Variants in ITGB8 observed in about 807,000 individuals in gnomAD.
ITGB8 encodes the protein integrin beta-8.
ITGB8 carries 30 observed loss-of-function variants against 89.5 expected under a neutral mutation model. The ratio of observed to expected loss-of-function variants is 0.34; its 90% CI spans 0.25 to 0.45. The LOEUF is 0.45. Among genes scored for constraint, ITGB8 ranks in the 20% least tolerant of loss-of-function variants. The probability of loss-of-function intolerance (pLI) is 1.00; values close to 1 mark genes in which losing one functional copy is unlikely to be tolerated. For missense variants in ITGB8, 836 were observed against 933.3 expected, an observed-to-expected ratio of 0.90 and a Z score of 1.36; for synonymous variants, 335 against 320.4, an observed-to-expected ratio of 1.05 and a Z score of -0.49.
chr7:20,383,796 A>C (rs182871490), intron 6 of ITGB8, among the ~76,000 whole-genome samples: 1 of 152,314 alleles, frequency 6.6e-6, no homozygotes, highest in Admixed American at 6.5e-5. Context: ...GGATGATTAC[A>C]TCAAGACCTT....
intron 12 of ITGB8, among the ~76,000 whole-genome samples, chr7:20,408,704 G>A (rs562983235): frequency 2.0e-5 from 3 of 152,232 alleles, no homozygotes; most frequent in South Asian, 2.1e-4. Context: ...TGCCTATTGT[G>A]CAACCATCTT....
At chr7:20,335,376 A>T (rs7784850) in intron 1 of ITGB8, among the ~76,000 whole-genome samples, 34,897 of 152,132 alleles carry the variant, frequency 0.23, 5,006 homozygotes, top group Non-Finnish European at 0.32. Flanking sequence ...GAAAGTATGG[A>T]TATGTAATAG....
At chr7:20,378,987 T>C in intron 3 of ITGB8, 64 bp from the exon 4 acceptor site, 1 of 1,359,660 alleles carries the variant, frequency 7.4e-7, no homozygotes, top group Non-Finnish European at 9.9e-7. Flanking sequence ...GACTAATTTA[T>C]TAAGAGCTTA....
At position 20,413,725 on chromosome 7, in the gene ITGB8, A is replaced by C. The variant is rs139986917; in HGVS notation, c.*3728A>C. 2 of 152,198 alleles carry C rather than the reference A, an allele frequency of 1.3e-5. No homozygotes were observed. Among genetic ancestry groups the C allele is most frequent in the African/African-American group, 4.8e-5 (2 of 41,560 alleles). 9.4% of individuals were successfully genotyped at this position (152,198 alleles called of 1,614,324 possible). A position where few individuals can be genotyped will look rare whatever the true frequency, so the allele number is the denominator to read the frequency against. On this transcript the variant is annotated 3_prime_UTR_variant, in exon 14 of 14. Transcript: ENST00000222573. The stretch of plus-strand genomic sequence containing the variant: ...GACCCATTAAAATCTAAGAATTCTA[A>C]ATTTTCACAACTGTTTGAGCTTCTT...
At chr7:20,383,940 C>G (rs894291048) in intron 6 of ITGB8, among the ~76,000 whole-genome samples, 2 of 152,106 alleles carry the variant, frequency 1.3e-5, no homozygotes, top group East Asian at 1.9e-4. Context: ...TTATTTACCC[C>G]AGGTCTTTGT....
Position 20,414,795 on chromosome 7 carries a change from T to A in ITGB8, c.*4798T>A, listed in dbSNP as rs1332876253. The A allele has an allele frequency of 6.6e-6, 1 of 152,572 alleles. No homozygotes were observed. The highest frequency in any genetic ancestry group is 1.5e-5 in the Non-Finnish European group (1 of 67,988). 9.5% of individuals were successfully genotyped at this position (152,572 alleles called of 1,614,324 possible). ...GCAGCTGTTAATGTAAACCTGAGAG[T>A]AATAACACTACTCTTTTATCTACCT... On this transcript the variant is annotated 3_prime_UTR_variant, in exon 14 of 14. Coordinates refer to ENST00000222573, the MANE Select transcript of ITGB8 (RefSeq NM_002214.3).
At chr7:20,363,601 G>T in intron 1 of ITGB8, 36 bp from the exon 2 acceptor site, 1 of 1,229,080 alleles carries the variant, frequency 8.1e-7, no homozygotes, top group Non-Finnish European at 1.1e-6. Flanking sequence ...TTTCTATTTT[G>T]AGAGTAAATT....
At chr7:20,374,156 C>T (rs1327052280) in intron 3 of ITGB8, among the ~76,000 whole-genome samples, 4 of 152,166 alleles carry the variant, frequency 2.6e-5, no homozygotes, top group Non-Finnish European at 4.4e-5. Flanking sequence ...CCAGATGATA[C>T]TCTTTTCCTC....
intron 1 of ITGB8, among the ~76,000 whole-genome samples, chr7:20,361,424 G>T (rs994307296): frequency 6.6e-6 from 1 of 152,180 alleles, no homozygotes; most frequent in Non-Finnish European, 1.5e-5. Flanking sequence ...GGAGGCTGGG[G>T]AGTCCAGGAT....
At chr7:20,369,297 G>A (rs1037595976) in intron 3 of ITGB8, among the ~76,000 whole-genome samples, 2 of 152,168 alleles carry the variant, frequency 1.3e-5, no homozygotes, top group Non-Finnish European at 2.9e-5. Context: ...TTGATTGGGT[G>A]GCATACACAA....
intron 6 of ITGB8, among the ~76,000 whole-genome samples, chr7:20,383,751 AGATAGGGC>A: frequency 6.6e-6 from 1 of 152,142 alleles, no homozygotes; most frequent in Non-Finnish European, 1.5e-5. Context: ...GTGGAATTTT[AGATAGGGC>A]TTGGATTCTT....
intron 6 of ITGB8, among the ~76,000 whole-genome samples, chr7:20,382,649 C>G (rs1786445716): frequency 6.6e-6 from 1 of 152,120 alleles, no homozygotes; most frequent in Non-Finnish European, 1.5e-5. Context: ...TTCCATGACA[C>G]CCGTGGGTCA....
rs1787706990 is a variant in ITGB8, at chr7:20,410,074, CAGG to C, written c.*83_*85del. On this transcript the variant is annotated 3_prime_UTR_variant, in exon 14 of 14. Transcript: ENST00000222573. ...CTAAAGATTATAATTTTAAAAGTCA[CAGG>C]AGGAGACAAATTGCTCACGGTCATG... The C allele has an allele frequency of 3.5e-6, 5 of 1,447,610 alleles. No homozygotes were observed. The highest frequency in any genetic ancestry group is 2.0e-5 in the Admixed American group (1 of 49,420). 89.7% of individuals were successfully genotyped at this position (1,447,610 alleles called of 1,614,324 possible).
intron 1 of ITGB8, among the ~76,000 whole-genome samples, chr7:20,355,032 C>G (rs370841493): frequency 6.6e-5 from 10 of 152,182 alleles, no homozygotes; most frequent in African/African-American, 2.4e-4. Flanking sequence ...GCTGGTGCAC[C>G]CATCCCCAGC....
At position 20,357,606 on chromosome 7, in the gene ITGB8, TC is replaced by T. The variant is rs1158457124; in HGVS notation, c.128-6030del. 3.9e-5 allele frequency among the ~76,000 whole-genome samples: 6 copies of T among 152,232 alleles called. No homozygotes were observed. The South Asian group carries it at 8.3e-4, about 21-fold the overall frequency. ...CGAATGCCTACTATGCCGTGAGCACTCTGTTGGGATGCTTTACCTTACTTCA... is the reference window on the plus strand; with the variant it reads ...CGAATGCCTACTATGCCGTGAGCACTTGTTGGGATGCTTTACCTTACTTCA... On this transcript the variant is annotated intron_variant, in intron 1 of 13. Coordinates refer to ENST00000222573, the MANE Select transcript of ITGB8 (RefSeq NM_002214.3).
chr7:20,336,742 G>A (rs1784591324), intron 1 of ITGB8, among the ~76,000 whole-genome samples: 1 of 152,088 alleles, frequency 6.6e-6, no homozygotes, highest in Admixed American at 6.6e-5. Context: ...TCCCAGCTTT[G>A]CTATGGACAC....
intron 6 of ITGB8, among the ~76,000 whole-genome samples, chr7:20,386,173 C>T (rs914077297): frequency 4.1e-4 from 62 of 151,774 alleles, no homozygotes; most frequent in East Asian, 1.9e-4. Context: ...TTTGGGGCAT[C>T]GAAAGACTAC....
At chr7:20,395,449 C>T (rs1271955348) in intron 8 of ITGB8, among the ~76,000 whole-genome samples, 1 of 152,120 alleles carries the variant, frequency 6.6e-6, no homozygotes, top group Non-Finnish European at 1.5e-5. Flanking sequence ...CTTGATTGTT[C>T]AACAATTATT....
chr7:20,330,745 G>C (rs1784348836), upstream of ITGB8: 1 of 152,178 alleles, frequency 6.6e-6, no homozygotes. Flanking sequence ...GAGGCGAGGC[G>C]CTCCGGTAGC....
Sources: gnomAD v4.1 joint callset for allele counts (sites outside exome capture counted in the v4.1 genomes callset) on GRCh38, gnomAD v4.1.1 for gene constraint, MANE v1.5 for transcripts, NCBI Gene and HGNC (gene_info 2026-07-23, HGNC 2026-07-21) for gene names.